DPP8: variants seen among roughly 807,000 people sequenced by gnomAD.
DPP8 encodes the protein dipeptidyl peptidase 8.
DPP8 carries 31 observed loss-of-function variants against 107.5 expected under a neutral mutation model. The observed-to-expected ratio is 0.29, with a 90% confidence interval of 0.22 to 0.39. The LOEUF (loss-of-function observed/expected upper bound fraction) is 0.39, where lower values mean the gene tolerates loss of function less well. Among genes scored for constraint, DPP8 ranks in the 10% least tolerant of loss-of-function variants. The pLI, the probability that DPP8 is intolerant of heterozygous loss-of-function variation, is 1.00. For synonymous variants in DPP8, 381 were observed against 356.6 expected (o/e 1.07, Z -0.77); for missense variants, 842 against 1,076.1 (o/e 0.78, Z 3.04).
chr15:65,500,619 G>A lies in DPP8; in HGVS notation c.533C>T (p.Pro178Leu), dbSNP rs772792295. 3.0e-5 allele frequency: 49 copies of A among 1,613,580 alleles called. No homozygotes were observed. The highest frequency in any genetic ancestry group is 4.1e-5 in the Non-Finnish European group (48 of 1,179,766). The change falls in exon 4 of 20, where the codon CCA becomes CTA. Residue 178 changes from proline (P) to leucine (L), a missense_variant. Pro to Leu is a moderately conservative substitution (Grantham distance 98). This residue lies in a region of DPP8 where 663 missense variants were observed against 758.0 expected (regional missense o/e 0.87). Transcript: ENST00000300141. ...SGIYHVKDGGPQGFTQQPLRP... is the reference protein window; with the variant it reads ...SGIYHVKDGGLQGFTQQPLRP... ...ACTCCAACTTACCGTAAATCCTTGT[G>A]GCCCTCCATCTTTTACGTGATAAAT...
intron 8 of DPP8, among the ~76,000 whole-genome samples, chr15:65,481,971 T>G (rs573307613): frequency 1.3e-5 from 2 of 151,124 alleles, no homozygotes; most frequent in East Asian, 3.9e-4. Flanking sequence ...CCTAGAAATA[T>G]ATATATATAT....
chr15:65,499,087 G>A (rs1040996052), intron 4 of DPP8, among the ~76,000 whole-genome samples: 1 of 117,542 alleles, frequency 8.5e-6, no homozygotes, highest in African/African-American at 3.3e-5. Context: ...GTGTGTGTGT[G>A]TGTGTGTGTG....
rs72739489 is a variant in DPP8 at position 65,467,409 on chromosome 15, C to T, written c.1537-186G>A. Among the ~76,000 whole-genome samples, 1,333 of 152,168 alleles carry T rather than the reference C, an allele frequency of 8.8e-3. 6 individuals carry two copies. Among genetic ancestry groups the T allele is most frequent in the Non-Finnish European group, 0.014 (981 of 68,002 alleles). ...TATTTATTTTTTAAAGAGTTGAGGTCTCACCTCTGCTACCCAAGCTGTAAT... is the reference window on the plus strand; with the variant it reads ...TATTTATTTTTTAAAGAGTTGAGGTTTCACCTCTGCTACCCAAGCTGTAAT... On this transcript the variant is annotated intron_variant, in intron 12 of 19. Coordinates refer to ENST00000300141, the MANE Select transcript of DPP8 (RefSeq NM_130434.5).
chr15:65,448,746 A>G (rs1395332353), intron 19 of DPP8, among the ~76,000 whole-genome samples: 3 of 141,682 alleles, frequency 2.1e-5, no homozygotes, highest in Non-Finnish European at 4.6e-5. Flanking sequence ...TATATCTAAA[A>G]TATACATATA....
At position 65,446,730 on chromosome 15, in the gene DPP8, G is replaced by A. The variant is rs1029095712; in HGVS notation, c.*154C>T. 12 of 566,384 alleles carry A rather than the reference G, an allele frequency of 2.1e-5. No individual in the cohort carries two copies. The highest frequency in any genetic ancestry group is 8.1e-5 in the African/African-American group (4 of 49,616). The allele number at this position is 566,384 out of a possible 1,614,324, so 35.1% of individuals were successfully genotyped here. ...AGGTATTAGATTACTACCACAAACCGTAGACCCCTGCATGGCACCACATTT... is the reference window on the plus strand; with the variant it reads ...AGGTATTAGATTACTACCACAAACCATAGACCCCTGCATGGCACCACATTT... On this transcript the variant is annotated 3_prime_UTR_variant, in exon 20 of 20. Coordinates refer to ENST00000300141, the MANE Select transcript of DPP8 (RefSeq NM_130434.5).
intron 7 of DPP8, among the ~76,000 whole-genome samples, chr15:65,486,754 T>C (rs2067480204): frequency 1.3e-5 from 2 of 152,206 alleles, no homozygotes; most frequent in African/African-American, 4.8e-5. Flanking sequence ...AGTATCATGT[T>C]CTCACTGATA....
chr15:65,467,835 T>A (rs890835143), intron 12 of DPP8, among the ~76,000 whole-genome samples: 1 of 152,346 alleles, frequency 6.6e-6, no homozygotes, highest in South Asian at 2.1e-4. Context: ...GAAAAAATAC[T>A]CTGCTATATT....
Position 65,463,778 on chromosome 15 carries a change from T to A in DPP8, c.1954A>T (p.Ile652Leu). The part of the protein sequence containing the change: ...PGKKYPTVLF[I>L]YGGPQVQLVN... ...ATGCCCACCTGAGGACCACCATATA[T>A]GAACAGCACAGTAGGATATTTCTTT... The change falls in exon 15 of 20, where the codon ATA becomes TTA. Residue 652 changes from isoleucine to leucine, a missense_variant. By Grantham distance (5) the Ile-to-Leu change is conservative. Transcript: ENST00000300141. The A allele has an allele frequency of 4.3e-6, 7 of 1,613,050 alleles. No homozygotes were observed. Among genetic ancestry groups the A allele is most frequent in the Non-Finnish European group, 5.9e-6 (7 of 1,179,140 alleles).
chr15:65,501,208 C>A (rs1399991624), intron 3 of DPP8, among the ~76,000 whole-genome samples: 1 of 151,926 alleles, frequency 6.6e-6, no homozygotes, highest in African/African-American at 2.4e-5. Context: ...CCTTCTAATT[C>A]ACTGAGCACA....
At chr15:65,448,352 A>T (rs1164232348) in intron 19 of DPP8, among the ~76,000 whole-genome samples, 6 of 152,096 alleles carry the variant, frequency 3.9e-5, no homozygotes, top group East Asian at 3.9e-4. Flanking sequence ...TGGGCAACTT[A>T]GTGACACCCA....
chr15:65,510,284 C>T (rs2141096318), intron 2 of DPP8, among the ~76,000 whole-genome samples: 1 of 152,200 alleles, frequency 6.6e-6, no homozygotes, highest in South Asian at 2.1e-4. Flanking sequence ...CCACTGTACT[C>T]CAGCCTAGAA....
Position 65,496,879 on chromosome 15 carries a change from G to A in DPP8, c.715+985C>T, listed in dbSNP as rs115039904. On this transcript the variant is annotated intron_variant, in intron 5 of 19. Coordinates refer to ENST00000300141, the MANE Select transcript of DPP8 (RefSeq NM_130434.5). ...TTGTCCAGGCTCAAGTGATCTACCC[G>A]CCTCAGTCTCAAGTAGTTTTATTTT... 7.6e-3 allele frequency among the ~76,000 whole-genome samples: 1,148 copies of A among 150,156 alleles called. 14 individuals are homozygous for A. Among genetic ancestry groups the A allele is most frequent in the African/African-American group, 0.027 (1,092 of 40,724 alleles).
Position 65,512,373 on chromosome 15 carries a change from C to T in DPP8, c.181G>A (p.Ala61Thr). The stretch of plus-strand genomic sequence containing the variant: ...AACATGAAATCATGTGGTGCCTTAG[C>T]CATCATGTAGCCATGATATTTTCTG... The part of the protein sequence containing the change: ...DTRKYHGYMM[A>T]KAPHDFMFVK... Residue 61 changes from alanine to threonine, a missense_variant, in exon 2 of 20, where the codon GCT (alanine) becomes ACT (threonine). Transcript: ENST00000300141. 1 of 1,613,944 alleles carries T rather than the reference C, an allele frequency of 6.2e-7. No individual in the cohort carries two copies. Among genetic ancestry groups the T allele is most frequent in the Non-Finnish European group, 8.5e-7 (1 of 1,179,886 alleles).
chr15:65,461,011 GAT>G (rs2064873574), intron 15 of DPP8, among the ~76,000 whole-genome samples: 1 of 152,224 alleles, frequency 6.6e-6, no homozygotes, highest in Non-Finnish European at 1.5e-5. Context: ...TCCTCTTTTT[GAT>G]AACAGCCAAT....
At chr15:65,452,626 TTATC>T (rs927240161) in intron 17 of DPP8, among the ~76,000 whole-genome samples, 15 of 152,146 alleles carry the variant, frequency 9.9e-5, no homozygotes, top group African/African-American at 2.7e-4. Context: ...ATTATAAAGA[TTATC>T]TAGATATATG....
chr15:65,494,985 A>G (rs1314615632), intron 5 of DPP8, among the ~76,000 whole-genome samples: 3 of 152,150 alleles, frequency 2.0e-5, no homozygotes, highest in Non-Finnish European at 4.4e-5. Flanking sequence ...TGATGATCAC[A>G]CCACTCAACT....
intron 12 of DPP8, among the ~76,000 whole-genome samples, 172 bp from the exon 13 acceptor site, chr15:65,467,395 TAA>T (rs2065457332): frequency 1.3e-5 from 2 of 152,176 alleles, no homozygotes; most frequent in Admixed American, 1.3e-4. Context: ...ATTTATTTTT[TAA>T]AGAGTTGAGG....
intron 4 of DPP8, among the ~76,000 whole-genome samples, chr15:65,498,409 G>A (rs1342959715): frequency 6.6e-6 from 1 of 151,002 alleles, no homozygotes; most frequent in Non-Finnish European, 1.5e-5. Context: ...GTGACAAAGT[G>A]AGACTCAGTA....
chr15:65,494,184 TCATCTGCCACCA>T (rs2068339831), intron 5 of DPP8, among the ~76,000 whole-genome samples: 2 of 129,852 alleles, frequency 1.5e-5, no homozygotes, highest in Non-Finnish European at 3.1e-5. Context: ...TCTCTCTCTT[TCATCTGCCACCA>T]AGGCGGGAGT....
Sources: gnomAD v4.1 joint callset for allele counts (sites outside exome capture counted in the v4.1 genomes callset) on GRCh38, gnomAD v4.1.1 for gene constraint, gnomAD v4.1.1 regional missense constraint, MANE v1.5 for transcripts, NCBI Gene and HGNC (gene_info 2026-07-23, HGNC 2026-07-21) for gene names.